The following TRIO variants were observed in gnomAD, a reference collection of about 807,000 sequenced individuals.
TRIO encodes the protein triple functional domain protein.
TRIO carries 58 observed loss-of-function variants against 351.9 expected under a neutral mutation model. That is an observed-to-expected ratio of 0.16 (90% CI 0.13 to 0.21). The LOEUF (loss-of-function observed/expected upper bound fraction) is 0.21. Among genes scored for constraint, TRIO ranks in the 10% least tolerant of loss-of-function variants. TRIO has a pLI of 1.00. For missense variants in TRIO, 3,201 were observed against 4,027.8 expected, an observed-to-expected ratio of 0.79 and a Z score of 5.56; for synonymous variants, 1,758 against 1,595.7, an observed-to-expected ratio of 1.10 and a Z score of -2.42.
intron 4 of TRIO, among the ~76,000 whole-genome samples, chr5:14,289,297 A>T (rs980309236): frequency 3.3e-5 from 5 of 150,996 alleles, no homozygotes; most frequent in African/African-American, 1.2e-4. Context: ...AGGCAGGAGA[A>T]TCACTTGAAA....
intron 12 of TRIO, among the ~76,000 whole-genome samples, chr5:14,358,691 T>G: frequency 6.6e-6 from 1 of 152,244 alleles, no homozygotes; most frequent in Non-Finnish European, 1.5e-5. Flanking sequence ...GATTGCGCCC[T>G]CAGGCTGATC....
intron 11 of TRIO, among the ~76,000 whole-genome samples, chr5:14,347,556 G>A (rs1579387510): frequency 6.6e-6 from 1 of 152,222 alleles, no homozygotes; most frequent in African/African-American, 2.4e-5. Context: ...TCAGGCATCC[G>A]GAAAACTACT....
chr5:14,414,354 G>C (rs1297313949), intron 33 of TRIO, among the ~76,000 whole-genome samples: 1 of 152,200 alleles, frequency 6.6e-6, no homozygotes, highest in Non-Finnish European at 1.5e-5. Context: ...CACGTCTCTG[G>C]TTTGCCTACC....
Position 14,497,098 on chromosome 5 carries a change from G to A in TRIO, c.8019+81G>A, listed in dbSNP as rs116604288. On this transcript the variant is annotated intron_variant, in intron 50 of 56. Transcript: ENST00000344204. The surrounding 1 kb of genome is among the most constrained non-coding windows in gnomAD (Gnocchi z 4.4). Reference sequence around the variant, plus strand: ...GGGAGGGCAGAGACTCTGCAGACCTGAAGCTGGGCTTGCTTATGACCTCCC... The same window carrying A: ...GGGAGGGCAGAGACTCTGCAGACCTAAAGCTGGGCTTGCTTATGACCTCCC... 110 of 1,554,452 alleles carry A rather than the reference G, an allele frequency of 7.1e-5. No homozygotes were observed. In the African/African-American group the frequency reaches 1.3e-3, roughly 18 times the overall value.
chr5:14,443,017 A>G (rs909194730), intron 34 of TRIO, among the ~76,000 whole-genome samples: 1 of 152,254 alleles, frequency 6.6e-6, no homozygotes, highest in Non-Finnish European at 1.5e-5. Context: ...CTTTCTGTAG[A>G]GGGAATTTTT....
At chr5:14,321,494 G>A (rs150886484) in intron 9 of TRIO, among the ~76,000 whole-genome samples, 2,042 of 152,360 alleles carry the variant, frequency 0.013, 24 homozygotes, top group Middle Eastern at 0.024. Flanking sequence ...GGTGCTCACT[G>A]CCATGTATGT....
At chr5:14,434,634 G>A (rs547202072) in intron 34 of TRIO, among the ~76,000 whole-genome samples, 54 of 152,308 alleles carry the variant, frequency 3.5e-4, no homozygotes, top group African/African-American at 1.3e-3. Context: ...GCATGAACCC[G>A]AATGCAGTGC....
chr5:14,475,318 T>C (rs1561533498), intron 40 of TRIO, among the ~76,000 whole-genome samples: 2 of 149,938 alleles, frequency 1.3e-5, no homozygotes. Flanking sequence ...CACGATGTCA[T>C]CACCTCCAAA....
rs551332839 is a variant in TRIO, at chr5:14,392,010, A to G, written c.4218+1020A>G. Among the ~76,000 whole-genome samples the G allele has an allele frequency of 5.9e-5, 9 of 152,350 alleles. No individual in the cohort carries two copies. In the East Asian group the frequency reaches 1.7e-3, roughly 29 times the overall value. ...CCATCAGACAAAATTCAGCACCTGT[A>G]TATGGAGTTAGAAATATTTTAGTAT... On this transcript the variant is annotated intron_variant, in intron 27 of 56. Transcript: ENST00000344204.
chr5:14,292,313 G>A (rs920255327), intron 5 of TRIO, among the ~76,000 whole-genome samples: 1 of 152,138 alleles, frequency 6.6e-6, no homozygotes, highest in African/African-American at 2.4e-5. Flanking sequence ...TTCAATTACT[G>A]GAAGACCAGG....
At chr5:14,316,034 TG>T (rs1468218828) in intron 8 of TRIO, among the ~76,000 whole-genome samples, 2 of 152,270 alleles carry the variant, frequency 1.3e-5, no homozygotes, top group Non-Finnish European at 2.9e-5. Context: ...TTGATTTTTT[TG>T]TTTTAACTGA....
intron 1 of TRIO, among the ~76,000 whole-genome samples, chr5:14,246,586 G>A (rs1203782261): frequency 6.6e-6 from 1 of 152,162 alleles, no homozygotes; most frequent in Admixed American, 6.6e-5. Context: ...TTCACCCACT[G>A]GAAGCCCTCT....
chr5:14,309,600 C>T (rs1397442085), intron 8 of TRIO, among the ~76,000 whole-genome samples: 1 of 152,208 alleles, frequency 6.6e-6, no homozygotes, highest in Non-Finnish European at 1.5e-5. Context: ...TTTTCAGAGG[C>T]CTTCCCTAGT....
intron 33 of TRIO, among the ~76,000 whole-genome samples, chr5:14,411,049 G>A (rs1409830226): frequency 1.3e-5 from 2 of 152,146 alleles, no homozygotes; most frequent in East Asian, 3.8e-4. Context: ...TCTGTCCTGA[G>A]TGCATCTCCC....
In TRIO at chr5:14,405,734, TAA is replaced by T. The variant is rs60279876; in HGVS notation, c.4717-110_4717-109del. ...ACGTCGGATGTGGTTGCTTTTCTGC[TAA>T]AAAGTCATTTTGAAAATAGAAACTC... On this transcript the variant is annotated intron_variant, in intron 31 of 56. Coordinates refer to ENST00000344204, the MANE Select transcript of TRIO (RefSeq NM_007118.4). The T allele has an allele frequency of 0.061, 82,707 of 1,363,432 alleles. 4,119 individuals carry two copies. Among genetic ancestry groups the T allele is most frequent in the African/African-American group, 0.26 (17,870 of 69,094 alleles). The allele number at this position is 1,363,432 out of a possible 1,614,324, so 84.5% of individuals were successfully genotyped here.
intron 20 of TRIO, among the ~76,000 whole-genome samples, chr5:14,379,193 C>T (rs2152351976): frequency 6.6e-6 from 1 of 152,322 alleles, no homozygotes; most frequent in African/African-American, 2.4e-5. Flanking sequence ...CAGGGCAATT[C>T]TGTGATGACA....
intron 11 of TRIO, among the ~76,000 whole-genome samples, chr5:14,338,812 G>A (rs1237686528): frequency 6.6e-6 from 1 of 152,150 alleles, no homozygotes; most frequent in Non-Finnish European, 1.5e-5. Context: ...GAGAGGAAGG[G>A]GCAGAGGGAA....
intron 1 of TRIO, among the ~76,000 whole-genome samples, chr5:14,230,112 A>G (rs750345270): frequency 7.9e-5 from 12 of 152,186 alleles, no homozygotes; most frequent in Non-Finnish European, 1.3e-4. Context: ...CAACTCATAT[A>G]TTATGAGCCA....
chr5:14,465,445 A>T, intron 36 of TRIO, 100 bp from the exon 37 acceptor site: 1 of 1,134,570 alleles, frequency 8.8e-7, no homozygotes, highest in Non-Finnish European at 1.3e-6. Flanking sequence ...GTCTGGAATT[A>T]CTTTCACAAG....
Sources: gnomAD v4.1 joint callset for allele counts (sites outside exome capture counted in the v4.1 genomes callset) on GRCh38, gnomAD v4.1.1 for gene constraint, Gnocchi (gnomAD v3.1) non-coding constraint, MANE v1.5 for transcripts, NCBI Gene and HGNC (gene_info 2026-07-23, HGNC 2026-07-21) for gene names.